DYNC1I1: variants seen among roughly 807,000 people sequenced by gnomAD.
DYNC1I1 encodes the protein dynein cytoplasmic 1 intermediate chain 1.
DYNC1I1 carries 43 observed loss-of-function variants against 86.6 expected under a neutral mutation model. The ratio of observed to expected loss-of-function variants is 0.50; its 90% CI spans 0.39 to 0.64. The LOEUF is 0.64. Ranked by LOEUF, DYNC1I1 falls within the 30% of genes least tolerant of loss-of-function variation. The pLI is 0.00. For synonymous variants in DYNC1I1, 262 were observed against 283.7 expected, an observed-to-expected ratio of 0.92 and a Z score of 0.77; for missense variants, 604 against 788.8, an observed-to-expected ratio of 0.77 and a Z score of 2.81.
At chr7:96,084,494 C>T (rs554329546) in intron 16 of DYNC1I1, among the ~76,000 whole-genome samples, 1 of 138,246 alleles carries the variant, frequency 7.2e-6, no homozygotes, top group South Asian at 2.2e-4. Flanking sequence ...GGCTGGAGTG[C>T]AATGGCACAC....
chr7:95,841,320 G>A (rs2116014352), intron 5 of DYNC1I1, among the ~76,000 whole-genome samples: 1 of 151,902 alleles, frequency 6.6e-6, no homozygotes, highest in East Asian at 2.0e-4. Context: ...TGCCCTGTTA[G>A]CTCCAAGAAA....
chr7:96,052,009 C>T (rs1293156989), intron 14 of DYNC1I1, among the ~76,000 whole-genome samples: 1 of 152,036 alleles, frequency 6.6e-6, no homozygotes, highest in Non-Finnish European at 1.5e-5. Context: ...GACAGAATTG[C>T]CATCCTTTCC....
intron 4 of DYNC1I1, among the ~76,000 whole-genome samples, chr7:95,826,102 C>T (rs1038873101): frequency 1.4e-4 from 22 of 152,282 alleles, no homozygotes; most frequent in African/African-American, 5.3e-4. Flanking sequence ...TGCAGAGTCT[C>T]GGGCCACCCG....
chr7:96,082,334 T>G (rs1790549449), intron 16 of DYNC1I1, among the ~76,000 whole-genome samples: 1 of 152,088 alleles, frequency 6.6e-6, no homozygotes, highest in Admixed American at 6.5e-5. Context: ...TCTTCCTTTC[T>G]TCCTTTTCCT....
chr7:96,103,439 G>A (rs1791166485), intron 16 of DYNC1I1, among the ~76,000 whole-genome samples: 1 of 152,156 alleles, frequency 6.6e-6, no homozygotes, highest in African/African-American at 2.4e-5. Flanking sequence ...TCTGGCAGCA[G>A]CCTCCTAACT....
At chr7:95,948,333 TG>T (rs1792460461) in intron 6 of DYNC1I1, among the ~76,000 whole-genome samples, 1 of 152,166 alleles carries the variant, frequency 6.6e-6, no homozygotes, top group South Asian at 2.1e-4. Context: ...GCTGCAGATC[TG>T]GGAGGGACTC....
chr7:95,920,684 G>GTGTCATTAT, intron 6 of DYNC1I1, among the ~76,000 whole-genome samples: 1 of 152,142 alleles, frequency 6.6e-6, no homozygotes, highest in Non-Finnish European at 1.5e-5. Flanking sequence ...CTACATCTCA[G>GTGTCATTAT]TGTCATTATT....
At chr7:96,085,365 C>CT (rs879537497) in intron 16 of DYNC1I1, among the ~76,000 whole-genome samples, 16 of 148,982 alleles carry the variant, frequency 1.1e-4, no homozygotes, top group African/African-American at 2.0e-4. Flanking sequence ...GTCCATCTCC[C>CT]TTTTTTTTTT....
intron 6 of DYNC1I1, among the ~76,000 whole-genome samples, chr7:95,901,274 A>G (rs999580662): frequency 6.6e-6 from 1 of 152,204 alleles, no homozygotes; most frequent in Admixed American, 6.5e-5. Flanking sequence ...ACCAACTTGG[A>G]CTGCCTGTGA....
At chr7:95,890,336 G>T (rs1052238848) in intron 6 of DYNC1I1, among the ~76,000 whole-genome samples, 1 of 152,096 alleles carries the variant, frequency 6.6e-6, no homozygotes, top group African/African-American at 2.4e-5. Flanking sequence ...GAACAGAAAG[G>T]CAAATACCAC....
chr7:95,963,184 A>T (rs923171106), intron 6 of DYNC1I1, among the ~76,000 whole-genome samples: 1 of 152,078 alleles, frequency 6.6e-6, no homozygotes, highest in Non-Finnish European at 1.5e-5. Context: ...ACTCCATAAA[A>T]AATCCACTTC....
chr7:96,067,359 C>T (rs910121457), intron 14 of DYNC1I1, among the ~76,000 whole-genome samples: 2 of 152,012 alleles, frequency 1.3e-5, no homozygotes, highest in Admixed American at 1.3e-4. Flanking sequence ...ATTTTCATTC[C>T]CCTTTCCTAA....
chr7:95,799,136 C>T (rs1794516351), intron 1 of DYNC1I1, among the ~76,000 whole-genome samples: 1 of 152,044 alleles, frequency 6.6e-6, no homozygotes, highest in Admixed American at 6.5e-5. Flanking sequence ...ATAACCCCAG[C>T]GAAGGCCCAG....
At chr7:95,973,806 T>G (rs983249729) in intron 6 of DYNC1I1, among the ~76,000 whole-genome samples, 2 of 152,270 alleles carry the variant, frequency 1.3e-5, no homozygotes, top group African/African-American at 4.8e-5. Context: ...AACTTGTTAC[T>G]ATTTAAGCTG....
intron 5 of DYNC1I1, among the ~76,000 whole-genome samples, chr7:95,838,309 A>G (rs1585737): frequency 0.39 from 58,555 of 151,848 alleles, 11,398 homozygotes; most frequent in East Asian, 0.48. Context: ...TCATTTTTCC[A>G]TTTTGTATTC....
chr7:96,012,259 C>T (rs2115854070), intron 10 of DYNC1I1, among the ~76,000 whole-genome samples: 1 of 152,240 alleles, frequency 6.6e-6, no homozygotes. Flanking sequence ...TATATGCACT[C>T]ATGGGTTGCA....
intron 14 of DYNC1I1, among the ~76,000 whole-genome samples, chr7:96,075,039 T>G (rs987144917): frequency 2.0e-5 from 3 of 152,212 alleles, no homozygotes; most frequent in Admixed American, 6.5e-5. Flanking sequence ...TCATTTAAAT[T>G]TCATTTTACA....
intron 2 of DYNC1I1, among the ~76,000 whole-genome samples, chr7:95,808,127 G>A (rs749549069): frequency 3.3e-5 from 5 of 152,028 alleles, no homozygotes; most frequent in Non-Finnish European, 7.4e-5. Flanking sequence ...GAATCCATGG[G>A]ATATCGACTG....
At chr7:95,932,954 C>T (rs1328807099) in intron 6 of DYNC1I1, among the ~76,000 whole-genome samples, 3 of 148,702 alleles carry the variant, frequency 2.0e-5, no homozygotes, top group African/African-American at 5.0e-5. Flanking sequence ...AATCATAGCT[C>T]ATTTCAGCCT....
Sources: gnomAD v4.1 joint callset for allele counts (sites outside exome capture counted in the v4.1 genomes callset) on GRCh38, gnomAD v4.1.1 for gene constraint, MANE v1.5 for transcripts, NCBI Gene and HGNC (gene_info 2026-07-23, HGNC 2026-07-21) for gene names.